EYS: variants seen among roughly 807,000 people sequenced by gnomAD.
EYS encodes the protein EGF-like photoreceptor maintenance factor.
EYS carries 250 observed loss-of-function variants against 282.1 expected under a neutral mutation model. The ratio of observed to expected loss-of-function variants is 0.89; its 90% CI spans 0.80 to 0.98. The LOEUF is 0.98. EYS is among the 50% of genes least tolerant of loss of function. The probability of loss-of-function intolerance (pLI) is 0.00; values close to 1 mark genes in which losing one functional copy is unlikely to be tolerated. For synonymous variants in EYS, 1,355 were observed against 1,282.9 expected (o/e 1.06, Z -1.20); for missense variants, 4,016 against 3,709.0 (o/e 1.08, Z -2.15).
chr6:65,193,875 C>G lies in EYS; in HGVS notation c.2023+101988G>C, dbSNP rs556097962. Among the ~76,000 whole-genome samples the G allele has an allele frequency of 7.5e-4, 114 of 151,956 alleles. 1 individual carries two copies. The highest frequency in any genetic ancestry group is 2.7e-3 in the African/African-American group (110 of 41,490). ...CCGAGGACCAATGGGATCAGTGTCT[C>G]AGGACACCAGTAAGTGGATCCAATT... On this transcript the variant is annotated intron_variant, in intron 12 of 42. Transcript: ENST00000503581.
chr6:65,123,182 T>TA (rs1386190006), intron 12 of EYS, among the ~76,000 whole-genome samples: 1 of 152,072 alleles, frequency 6.6e-6, no homozygotes, highest in African/African-American at 2.4e-5. Flanking sequence ...GTACAAACAT[T>TA]AAAAAAATTT....
chr6:65,314,986 T>A (rs182994415), intron 11 of EYS, among the ~76,000 whole-genome samples: 13 of 152,218 alleles, frequency 8.5e-5, no homozygotes, highest in African/African-American at 3.1e-4. Flanking sequence ...TGCTTGATAG[T>A]TATGGAATTT....
intron 35 of EYS, among the ~76,000 whole-genome samples, chr6:63,928,290 C>A (rs1306173908): frequency 6.6e-6 from 1 of 151,936 alleles, no homozygotes. Context: ...CAGCTTTGTG[C>A]CTATCTTAAA....
At chr6:65,169,876 C>T (rs1288763900) in intron 12 of EYS, among the ~76,000 whole-genome samples, 1 of 151,412 alleles carries the variant, frequency 6.6e-6, no homozygotes, top group Non-Finnish European at 1.5e-5. Context: ...GTACTATACA[C>T]ATTGAGAAGA....
intron 12 of EYS, among the ~76,000 whole-genome samples, chr6:65,286,045 T>C (rs1196375395): frequency 6.6e-6 from 1 of 151,798 alleles, no homozygotes. Context: ...ACCAATCACT[T>C]CCATACTATG....
intron 22 of EYS, among the ~76,000 whole-genome samples, chr6:64,720,633 C>T (rs1771546518): frequency 6.6e-6 from 1 of 152,076 alleles, no homozygotes; most frequent in South Asian, 2.1e-4. Context: ...GTAGATAGAA[C>T]CTCATTAATG....
At chr6:63,821,397 G>A (rs1771322157) in intron 36 of EYS, 1 of 152,110 alleles carries the variant, frequency 6.6e-6, no homozygotes, top group South Asian at 2.1e-4. Context: ...AGTATAAAAG[G>A]CTTATAGCCC....
At chr6:64,380,704 A>G (rs759316416) in intron 29 of EYS, among the ~76,000 whole-genome samples, 11 of 152,284 alleles carry the variant, frequency 7.2e-5, no homozygotes, top group Middle Eastern at 3.4e-3. Flanking sequence ...ACTGATTGTT[A>G]TAATACAGGC....
intron 26 of EYS, among the ~76,000 whole-genome samples, chr6:64,479,631 A>T (rs993344443): frequency 6.6e-6 from 1 of 151,870 alleles, no homozygotes; most frequent in East Asian, 1.9e-4. Flanking sequence ...GCCTTAGTCT[A>T]CAGTACTATT....
At chr6:63,846,326 C>G (rs920948828) in intron 36 of EYS, among the ~76,000 whole-genome samples, 1 of 152,114 alleles carries the variant, frequency 6.6e-6, no homozygotes, top group Non-Finnish European at 1.5e-5. Flanking sequence ...AAGGCATCCA[C>G]CTGGAGAGTG....
At chr6:64,138,621 G>A (rs1161500305) in intron 31 of EYS, among the ~76,000 whole-genome samples, 4 of 152,140 alleles carry the variant, frequency 2.6e-5, no homozygotes, top group African/African-American at 7.2e-5. Flanking sequence ...TTGGGAGAGT[G>A]CTGCTGATTT....
intron 41 of EYS, among the ~76,000 whole-genome samples, chr6:63,742,706 A>G (rs1022514109): frequency 6.6e-6 from 1 of 152,116 alleles, no homozygotes; most frequent in African/African-American, 2.4e-5. Context: ...TGATGGACCA[A>G]TGGTACCATC....
intron 19 of EYS, among the ~76,000 whole-genome samples, chr6:64,851,715 A>G (rs1370481870): frequency 6.6e-6 from 1 of 152,108 alleles, no homozygotes; most frequent in Non-Finnish European, 1.5e-5. Context: ...CAAATATTGC[A>G]TGTTCTTACT....
chr6:64,391,146 T>C (rs1034748685), intron 28 of EYS, among the ~76,000 whole-genome samples: 2 of 152,154 alleles, frequency 1.3e-5, no homozygotes, highest in African/African-American at 4.8e-5. Context: ...AATCTACGAC[T>C]GATTGGTGTA....
At chr6:63,955,719 T>TA (rs1381378862) in intron 35 of EYS, among the ~76,000 whole-genome samples, 10 of 151,388 alleles carry the variant, frequency 6.6e-5, no homozygotes, top group South Asian at 2.1e-4. Flanking sequence ...TATGACAACA[T>TA]AAAAAAAAAC....
intron 31 of EYS, among the ~76,000 whole-genome samples, chr6:64,124,647 T>C (rs1773701004): frequency 6.6e-6 from 1 of 152,194 alleles, no homozygotes; most frequent in Non-Finnish European, 1.5e-5. Context: ...AGCAGCTTGT[T>C]GTAGAGCATG....
rs940193121 is a variant in EYS at position 65,692,744 on chromosome 6, A to G, written c.-448+14391T>C. On this transcript the variant is annotated intron_variant, in intron 1 of 42. Coordinates refer to ENST00000503581, the MANE Select transcript of EYS (RefSeq NM_001142800.2). ...TAGAACTATCCAGTTCTGGAGAAAG[A>G]AAGTCATTCTTTAAAATATGTTTTC... 3.3e-5 allele frequency among the ~76,000 whole-genome samples: 5 copies of G among 150,134 alleles called. 1 individual carries two copies. The South Asian group carries it at 1.1e-3, about 32-fold the overall frequency.
chr6:65,598,234 A>G (rs796112299), intron 2 of EYS, among the ~76,000 whole-genome samples: 2 of 11,820 alleles, frequency 1.7e-4, no homozygotes, highest in Non-Finnish European at 3.1e-4. Context: ...CCTCCTCCCC[A>G]CCCACCCCCC....
intron 36 of EYS, among the ~76,000 whole-genome samples, chr6:63,833,689 C>G (rs1258623804): frequency 6.6e-6 from 1 of 152,162 alleles, no homozygotes; most frequent in Non-Finnish European, 1.5e-5. Context: ...TGACTTCCTT[C>G]ACAGAACTGG....
Sources: allele counts gnomAD v4.1 joint callset (sites outside exome capture counted in the v4.1 genomes callset), GRCh38; gene constraint gnomAD v4.1.1; transcripts MANE v1.5; gene names NCBI Gene and HGNC (gene_info 2026-07-23, HGNC 2026-07-21).